The following ANXA1 variants were observed in gnomAD, a reference collection of about 807,000 sequenced individuals.
ANXA1 encodes the protein annexin I (lipocortin I).
In ANXA1, 39 loss-of-function variants were observed where a neutral mutation model predicts 47.9. The ratio of observed to expected loss-of-function variants is 0.81; its 90% CI spans 0.63 to 1.06. The LOEUF (loss-of-function observed/expected upper bound fraction) is 1.06. ANXA1 is among the 50% of genes least tolerant of loss of function. The pLI, the probability that ANXA1 is intolerant of heterozygous loss-of-function variation, is 0.00. For missense variants in ANXA1, 446 were observed against 422.7 expected (o/e 1.06, Z -0.48); for synonymous variants, 146 against 142.5 (o/e 1.02, Z -0.17).
chr9:73,167,647 T>A, intron 11 of ANXA1, 92 bp downstream of exon 11: 2 of 1,141,244 alleles, frequency 1.8e-6, no homozygotes, highest in Non-Finnish European at 1.3e-6. Flanking sequence ...ATCTCACATT[T>A]AATATCTTCC....
At chr9:73,168,956 C>A in intron 11 of ANXA1, 76 bp from the exon 12 acceptor site, 1 of 1,402,230 alleles carries the variant, frequency 7.1e-7, no homozygotes, top group Non-Finnish European at 9.6e-7. Context: ...AGTAAGAAGG[C>A]TTCACTTTAA....
intron 6 of ANXA1, among the ~76,000 whole-genome samples, chr9:73,161,765 G>A (rs2795117): frequency 0.64 from 96,683 of 151,930 alleles, 31,038 homozygotes; most frequent in Non-Finnish European, 0.68. Flanking sequence ...TGTGTCAGTG[G>A]TAATAATGAT....
chr9:73,170,136 T>G lies in ANXA1; in HGVS notation c.*29T>G, dbSNP rs1184184894. On this transcript the variant is annotated 3_prime_UTR_variant, in exon 13 of 13. Coordinates refer to ENST00000257497, the MANE Select transcript of ANXA1 (RefSeq NM_000700.3). The stretch of plus-strand genomic sequence containing the variant: ...TTCCCTTGATGGTCTCAAGCTATGA[T>G]CAGAAGACTTTAATTATATATTTTC... The G allele has an allele frequency of 6.4e-7, 1 of 1,570,218 alleles. No individual in the cohort carries two copies. Among genetic ancestry groups the G allele is most frequent in the Admixed American group, 1.8e-5 (1 of 54,562 alleles).
intron 11 of ANXA1, 118 bp from the exon 12 acceptor site, chr9:73,168,914 T>C: frequency 3.6e-6 from 3 of 829,644 alleles, no homozygotes; most frequent in Non-Finnish European, 5.7e-6. Flanking sequence ...TGTGTGTGTA[T>C]AGCTAGTTTC....
intron 1 of ANXA1, chr9:73,154,436 CTTT>C (rs1338975694): frequency 9.1e-7 from 1 of 1,100,786 alleles, no homozygotes; most frequent in African/African-American, 1.6e-5. Flanking sequence ...CTTTTCTTTT[CTTT>C]TTCTTTCTTT....
At chr9:73,156,724 C>T (rs1361133681) in intron 1 of ANXA1, among the ~76,000 whole-genome samples, 1 of 152,134 alleles carries the variant, frequency 6.6e-6, no homozygotes, top group Non-Finnish European at 1.5e-5. Context: ...TCAGTTTATG[C>T]CTCATGAGTC....
intron 1 of ANXA1, among the ~76,000 whole-genome samples, chr9:73,155,795 T>G (rs1374717957): frequency 6.6e-6 from 1 of 152,162 alleles, no homozygotes. Flanking sequence ...TGTAGGAACT[T>G]AGAAGATACA....
chr9:73,168,227 G>A (rs547814694), intron 11 of ANXA1: 1 of 152,234 alleles, frequency 6.6e-6, no homozygotes, highest in South Asian at 2.1e-4. Flanking sequence ...GAATATATAT[G>A]AATAATTTGA....
At chr9:73,153,835 G>A (rs537583772) in intron 1 of ANXA1, among the ~76,000 whole-genome samples, 3 of 152,206 alleles carry the variant, frequency 2.0e-5, no homozygotes, top group South Asian at 2.1e-4. Context: ...ATGTTAGCAC[G>A]GGCCTCATGG....
chr9:73,162,945 T>C (rs1473986019), intron 7 of ANXA1, 84 bp downstream of exon 7: 3 of 1,086,996 alleles, frequency 2.8e-6, no homozygotes, highest in Non-Finnish European at 2.7e-6. Context: ...TAAGGGAATA[T>C]CTGAGGCTAG....
chr9:73,165,526 G>T, intron 9 of ANXA1: 1 of 123,546 alleles, frequency 8.1e-6, no homozygotes, highest in Admixed American at 8.7e-5. Context: ...TTAGAATGAA[G>T]AAAAACAAAA....
chr9:73,161,462 TC>T (rs1429409512), intron 6 of ANXA1, among the ~76,000 whole-genome samples: 13 of 152,150 alleles, frequency 8.5e-5, no homozygotes, highest in Non-Finnish European at 7.3e-5. Flanking sequence ...ATTTTATCTC[TC>T]CAGTGAAGCA....
At chr9:73,162,334 T>G (rs146788458) in intron 6 of ANXA1, among the ~76,000 whole-genome samples, 113 of 152,088 alleles carry the variant, frequency 7.4e-4, no homozygotes, top group African/African-American at 2.7e-3. Context: ...TACACACACA[T>G]AAATCATCAA....
intron 8 of ANXA1, among the ~76,000 whole-genome samples, chr9:73,164,813 A>T (rs1465330240): frequency 6.6e-6 from 1 of 152,124 alleles, no homozygotes; most frequent in Non-Finnish European, 1.5e-5. Flanking sequence ...ATCTTTAGAG[A>T]TCCCCTTGGA....
At chr9:73,169,257 A>AC in intron 12 of ANXA1, 103 bp downstream of exon 12, 3 of 1,273,514 alleles carry the variant, frequency 2.4e-6, no homozygotes, top group Non-Finnish European at 3.2e-6. Context: ...TTTAATATGT[A>AC]AGATTAATTT....
At chr9:73,164,840 G>T (rs1824200381) in intron 8 of ANXA1, among the ~76,000 whole-genome samples, 1 of 152,068 alleles carries the variant, frequency 6.6e-6, no homozygotes, top group Non-Finnish European at 1.5e-5. Flanking sequence ...TTACTATAGA[G>T]CATAATCTTA....
intron 1 of ANXA1, among the ~76,000 whole-genome samples, chr9:73,154,637 C>T (rs1306904754): frequency 6.6e-6 from 1 of 152,146 alleles, no homozygotes; most frequent in East Asian, 1.9e-4. Flanking sequence ...CGGGGTTTCG[C>T]CATGCTGGCC....
At chr9:73,160,200 T>C (rs17574438) in intron 4 of ANXA1, 63 bp from the exon 5 acceptor site, 61,943 of 1,181,382 alleles carry the variant, frequency 0.052, 2,095 homozygotes, top group Middle Eastern at 0.079. Flanking sequence ...TCAGGTAATA[T>C]CACATTTTTT....
chr9:73,154,405 C>A, intron 1 of ANXA1: 2 of 1,262,128 alleles, frequency 1.6e-6, no homozygotes, highest in Non-Finnish European at 2.1e-6. Flanking sequence ...CCCTCCCTCC[C>A]TTCTCTTTCT....
Sources: allele counts gnomAD v4.1 joint callset (sites outside exome capture counted in the v4.1 genomes callset), GRCh38; gene constraint gnomAD v4.1.1; transcripts MANE v1.5; gene names NCBI Gene and HGNC (gene_info 2026-07-23, HGNC 2026-07-21).